TAFA2: variants seen among roughly 807,000 people sequenced by gnomAD.
TAFA2 encodes the protein chemokine-like protein TAFA-2.
In TAFA2, 7 loss-of-function variants were observed where a neutral mutation model predicts 18.8. The observed-to-expected ratio is 0.37, with a 90% CI of 0.21 to 0.70. The LOEUF (loss-of-function observed/expected upper bound fraction) is 0.70, where lower values mean the gene tolerates loss of function less well. Among genes scored for constraint, TAFA2 ranks in the 30% least tolerant of loss-of-function variants. The probability of loss-of-function intolerance (pLI) is 0.53; values close to 1 mark genes in which losing one functional copy is unlikely to be tolerated. For synonymous variants in TAFA2, 60 were observed against 54.2 expected, an observed-to-expected ratio of 1.11 and a Z score of -0.47; for missense variants, 122 against 158.1, an observed-to-expected ratio of 0.77 and a Z score of 1.23.
intron 2 of TAFA2, among the ~76,000 whole-genome samples, chr12:61,816,893 T>C (rs1026210047): frequency 6.6e-5 from 10 of 151,206 alleles, no homozygotes; most frequent in African/African-American, 2.5e-4. Context: ...ACTTTTTTTG[T>C]ATGCATAGGG....
intron 1 of TAFA2, among the ~76,000 whole-genome samples, chr12:62,090,524 G>A (rs1868665132): frequency 1.3e-5 from 2 of 152,046 alleles, no homozygotes; most frequent in African/African-American, 2.4e-5. Context: ...AAGAGAAAGA[G>A]TGCCTCAAGA....
intron 4 of TAFA2, among the ~76,000 whole-genome samples, chr12:61,744,381 T>C (rs1224729734): frequency 6.6e-6 from 1 of 152,082 alleles, no homozygotes; most frequent in African/African-American, 2.4e-5. Flanking sequence ...ATATCGCCCA[T>C]TTCTCATTTC....
chr12:61,798,861 A>G (rs1035135709), intron 2 of TAFA2, among the ~76,000 whole-genome samples: 11 of 152,234 alleles, frequency 7.2e-5, no homozygotes, highest in Admixed American at 2.6e-4. Context: ...TGTTCTATAG[A>G]ATGTTATCTA....
chr12:62,144,415 G>A (rs1239696141), intron 1 of TAFA2, among the ~76,000 whole-genome samples: 1 of 151,826 alleles, frequency 6.6e-6, no homozygotes, highest in Non-Finnish European at 1.5e-5. Flanking sequence ...AAGAGGTAAG[G>A]TCACCTAAGC....
intron 2 of TAFA2, among the ~76,000 whole-genome samples, chr12:61,777,272 G>C (rs1415429661): frequency 6.6e-6 from 1 of 151,882 alleles, no homozygotes; most frequent in Non-Finnish European, 1.5e-5. Flanking sequence ...TTACATGTAA[G>C]CTTCAGTTTC....
intron 2 of TAFA2, among the ~76,000 whole-genome samples, chr12:61,826,855 CA>C (rs1872553224): frequency 6.6e-6 from 1 of 151,766 alleles, no homozygotes; most frequent in Admixed American, 6.6e-5. Context: ...AAGAAAATGA[CA>C]GAAGATCAGT....
intron 2 of TAFA2, among the ~76,000 whole-genome samples, chr12:61,756,166 A>C (rs1213394670): frequency 6.6e-6 from 1 of 152,082 alleles, no homozygotes; most frequent in Non-Finnish European, 1.5e-5. Flanking sequence ...TCTAAGACAG[A>C]GCAAATCACA....
intron 1 of TAFA2, among the ~76,000 whole-genome samples, chr12:61,997,138 TATAG>T (rs1238309087): frequency 6.6e-6 from 1 of 150,422 alleles, no homozygotes; most frequent in Non-Finnish European, 1.5e-5. Flanking sequence ...TGTGTGTGTA[TATAG>T]ATACATACTA....
chr12:62,189,317 T>A (rs2136959539), intron 1 of TAFA2, among the ~76,000 whole-genome samples: 1 of 152,310 alleles, frequency 6.6e-6, no homozygotes. Flanking sequence ...TATCTATAAA[T>A]AATACAATCC....
At chr12:61,872,429 G>T (rs556563194) in intron 1 of TAFA2, among the ~76,000 whole-genome samples, 4 of 152,056 alleles carry the variant, frequency 2.6e-5, no homozygotes, top group Non-Finnish European at 4.4e-5. Context: ...TCGCCCTTAG[G>T]GTAGAATGCG....
At chr12:61,894,265 G>A (rs956155905) in intron 1 of TAFA2, among the ~76,000 whole-genome samples, 3 of 152,118 alleles carry the variant, frequency 2.0e-5, no homozygotes, top group African/African-American at 7.2e-5. Context: ...TCTTCACTGT[G>A]CCATAACGTA....
intron 1 of TAFA2, among the ~76,000 whole-genome samples, chr12:61,877,585 G>T (rs1421627489): frequency 6.6e-6 from 1 of 152,110 alleles, no homozygotes; most frequent in African/African-American, 2.4e-5. Flanking sequence ...TGAAGAACTA[G>T]TCCAAACTAC....
chr12:62,219,805 TAAAGA>T (rs2062753188), intron 1 of TAFA2, among the ~76,000 whole-genome samples: 1 of 151,968 alleles, frequency 6.6e-6, no homozygotes, highest in East Asian at 1.9e-4. Flanking sequence ...GTTGTTAAAG[TAAAGA>T]AATGATTCTA....
intron 2 of TAFA2, among the ~76,000 whole-genome samples, chr12:61,779,840 T>C (rs1870427958): frequency 6.6e-6 from 1 of 151,770 alleles, no homozygotes; most frequent in African/African-American, 2.4e-5. Flanking sequence ...GAAGCAAAAT[T>C]GCTGAATCTA....
chr12:61,876,489 A>G lies in TAFA2; in HGVS notation c.-1-9063T>C, dbSNP rs528502566. Among the ~76,000 whole-genome samples the G allele has an allele frequency of 2.5e-4, 38 of 152,304 alleles. 1 individual carries two copies. The highest frequency in any genetic ancestry group is 4.6e-4 in the Non-Finnish European group (31 of 68,008). ...GTCAATATGCCAGCCAGCACTAGCTAGTTAACAGCACGCATTCAAGAGAGC... is the reference window on the plus strand; with the variant it reads ...GTCAATATGCCAGCCAGCACTAGCTGGTTAACAGCACGCATTCAAGAGAGC... On this transcript the variant is annotated intron_variant, in intron 1 of 4. Coordinates refer to ENST00000416284, the MANE Select transcript of TAFA2 (RefSeq NM_178539.5).
intron 2 of TAFA2, among the ~76,000 whole-genome samples, chr12:61,778,221 C>T (rs957498273): frequency 6.6e-6 from 1 of 151,852 alleles, no homozygotes; most frequent in Non-Finnish European, 1.5e-5. Flanking sequence ...TAAGGATTAA[C>T]TGGATTCAAA....
At chr12:62,225,433 T>A (rs986975071) in intron 1 of TAFA2, among the ~76,000 whole-genome samples, 1 of 152,120 alleles carries the variant, frequency 6.6e-6, no homozygotes, top group Non-Finnish European at 1.5e-5. Flanking sequence ...GAAAAACTGT[T>A]ATAATCTTGA....
intron 1 of TAFA2, among the ~76,000 whole-genome samples, chr12:62,101,128 C>T (rs528461865): frequency 2.0e-5 from 3 of 152,006 alleles, no homozygotes; most frequent in Non-Finnish European, 2.9e-5. Context: ...TCAAGAGTGC[C>T]CCAGAATAAA....
At chr12:61,734,584 A>G (rs1325432990) in intron 4 of TAFA2, among the ~76,000 whole-genome samples, 2 of 151,994 alleles carry the variant, frequency 1.3e-5, no homozygotes, top group African/African-American at 4.8e-5. Flanking sequence ...GCCCTATCCC[A>G]TTTATGGCAA....
Sources: gnomAD v4.1 joint callset for allele counts (sites outside exome capture counted in the v4.1 genomes callset) on GRCh38, gnomAD v4.1.1 for gene constraint, MANE v1.5 for transcripts, NCBI Gene and HGNC (gene_info 2026-07-23, HGNC 2026-07-21) for gene names.